PRORP: variants seen among roughly 807,000 people sequenced by gnomAD.
The protein encoded by PRORP is protein only RNase P catalytic subunit, also known as mitochondrial ribonuclease P catalytic subunit.
In PRORP, 51 loss-of-function variants were observed where a neutral mutation model predicts 59.4. The ratio of observed to expected loss-of-function variants is 0.86; its 90% confidence interval spans 0.69 to 1.08. The LOEUF (loss-of-function observed/expected upper bound fraction) is 1.08. PRORP is among the 50% of genes least tolerant of loss of function. PRORP has a pLI of 0.00. For synonymous variants in PRORP, 231 were observed against 245.6 expected, an observed-to-expected ratio of 0.94 and a Z score of 0.55; for missense variants, 646 against 690.3, an observed-to-expected ratio of 0.94 and a Z score of 0.72.
intron 4 of PRORP, among the ~76,000 whole-genome samples, chr14:35,179,235 T>C (rs549856938): frequency 1.3e-5 from 2 of 152,262 alleles, no homozygotes; most frequent in African/African-American, 2.4e-5. Context: ...TTGCTCTTCT[T>C]GAGGAGTATC....
At chr14:35,131,514 T>C (rs1337927649) in intron 4 of PRORP, among the ~76,000 whole-genome samples, 15 of 145,688 alleles carry the variant, frequency 1.0e-4, no homozygotes, top group Non-Finnish European at 1.5e-5. Flanking sequence ...ATTTGTTTTT[T>C]TCTCTAGTTG....
chr14:35,197,738 T>C (rs1177728595), intron 5 of PRORP, among the ~76,000 whole-genome samples: 1 of 152,196 alleles, frequency 6.6e-6, no homozygotes, highest in African/African-American at 2.4e-5. Context: ...TTCTACCCCA[T>C]TTTGTCTTAT....
intron 4 of PRORP, among the ~76,000 whole-genome samples, chr14:35,172,453 C>CTTCCTTCTTTCT: frequency 0.011 from 513 of 46,700 alleles, 15 homozygotes; most frequent in African/African-American, 0.023. Flanking sequence ...TCCTTCCTTC[C>CTTCCTTCTTTCT]TTCTTTCTTT....
At chr14:35,121,841 C>G (rs1458025610), upstream of PRORP, 14 of 1,574,806 alleles carry the variant, frequency 8.9e-6, no homozygotes, top group Admixed American at 2.1e-4. Context: ...CCCCACCTCC[C>G]CCCTACCTCT....
intron 5 of PRORP, among the ~76,000 whole-genome samples, chr14:35,220,478 C>T (rs1213896562): frequency 6.6e-6 from 1 of 152,144 alleles, no homozygotes; most frequent in Non-Finnish European, 1.5e-5. Flanking sequence ...CATTCTGACA[C>T]GGCATTATAG....
intron 5 of PRORP, among the ~76,000 whole-genome samples, chr14:35,256,869 CTT>C (rs71121272): frequency 8.0e-4 from 109 of 136,880 alleles, no homozygotes; most frequent in Middle Eastern, 3.7e-3. Context: ...TGATAAAATC[CTT>C]TTTTTTTTTT....
At position 35,239,977 on chromosome 14, in the gene PRORP, A is replaced by C. The variant is rs559540306; in HGVS notation, c.1276-26750A>C. ...GTAGTCCCAGCTACTCAGGAGGCTG[A>C]GACAGGAAAATCGCTTGAACCTGGA... On this transcript the variant is annotated intron_variant, in intron 5 of 7. Transcript: ENST00000534898. 5.9e-5 allele frequency among the ~76,000 whole-genome samples: 9 copies of C among 152,014 alleles called. No individual in the cohort carries two copies. In the South Asian group the frequency reaches 1.9e-3, roughly 32 times the overall value.
chr14:35,245,046 C>T (rs2050451312), intron 5 of PRORP, among the ~76,000 whole-genome samples: 2 of 152,162 alleles, frequency 1.3e-5, no homozygotes, highest in Non-Finnish European at 1.5e-5. Flanking sequence ...CAGAGCTAGT[C>T]TTACAAAACA....
chr14:35,228,979 T>C lies in PRORP; in HGVS notation c.1276-37748T>C, dbSNP rs147263683. Among the ~76,000 whole-genome samples, 127 of 152,332 alleles carry C rather than the reference T, an allele frequency of 8.3e-4. 1 individual carries two copies. The highest frequency in any genetic ancestry group is 2.9e-3 in the African/African-American group (121 of 41,586). On this transcript the variant is annotated intron_variant, in intron 5 of 7. Transcript: ENST00000534898. The stretch of plus-strand genomic sequence containing the variant: ...GCATCTGTTTTTTACTTTTTAACAA[T>C]ATCCATTCTGACTGGTATGAGATGG...
intron 6 of PRORP, among the ~76,000 whole-genome samples, chr14:35,269,890 A>G (rs2051141733): frequency 6.6e-6 from 1 of 152,184 alleles, no homozygotes; most frequent in Non-Finnish European, 1.5e-5. Context: ...GCTCTTACCA[A>G]AGAAGATGTT....
chr14:35,229,524 T>C (rs1319624593), intron 5 of PRORP, among the ~76,000 whole-genome samples: 1 of 152,216 alleles, frequency 6.6e-6, no homozygotes, highest in Non-Finnish European at 1.5e-5. Flanking sequence ...TGGCCAGCTA[T>C]CCCGGCACCA....
intron 5 of PRORP, among the ~76,000 whole-genome samples, chr14:35,219,762 C>T (rs2049723155): frequency 6.6e-6 from 1 of 152,198 alleles, no homozygotes; most frequent in Non-Finnish European, 1.5e-5. Flanking sequence ...ATACACCTCT[C>T]TATTGTCTAG....
At chr14:35,127,955 A>G (rs2047139363) in intron 4 of PRORP, among the ~76,000 whole-genome samples, 2 of 152,224 alleles carry the variant, frequency 1.3e-5, no homozygotes, top group South Asian at 2.1e-4. Flanking sequence ...GGGGCATAAT[A>G]AGTGCACTTA....
At chr14:35,139,538 G>A (rs1279055889) in intron 4 of PRORP, among the ~76,000 whole-genome samples, 1 of 144,956 alleles carries the variant, frequency 6.9e-6, no homozygotes, top group Non-Finnish European at 1.5e-5. Flanking sequence ...ATCATTTTGA[G>A]ATTTCATCCT....
intron 5 of PRORP, among the ~76,000 whole-genome samples, chr14:35,230,394 A>G (rs1425139785): frequency 6.6e-6 from 1 of 152,208 alleles, no homozygotes; most frequent in African/African-American, 2.4e-5. Flanking sequence ...GCAGTATCAC[A>G]TAGCTTTCAA....
intron 5 of PRORP, among the ~76,000 whole-genome samples, chr14:35,211,083 T>C (rs2049431435): frequency 6.6e-6 from 1 of 152,160 alleles, no homozygotes; most frequent in South Asian, 2.1e-4. Context: ...AAAACAGTTT[T>C]CTTTAGTAAA....
intron 5 of PRORP, among the ~76,000 whole-genome samples, chr14:35,214,046 G>C (rs2049522270): frequency 6.6e-6 from 1 of 152,154 alleles, no homozygotes. Context: ...ACACTTTAAA[G>C]ACTGTTAATG....
chr14:35,229,447 A>C (rs551716312), intron 5 of PRORP, among the ~76,000 whole-genome samples: 29 of 152,252 alleles, frequency 1.9e-4, no homozygotes, highest in African/African-American at 7.0e-4. Context: ...TAAATCTTTA[A>C]TCCATCTTGA....
intron 5 of PRORP, among the ~76,000 whole-genome samples, chr14:35,195,027 C>T (rs1297515820): frequency 5.3e-5 from 8 of 151,990 alleles, no homozygotes; most frequent in Admixed American, 5.2e-4. Context: ...TTATATGAAA[C>T]TTATATTTGA....
Sources: allele counts gnomAD v4.1 joint callset (sites outside exome capture counted in the v4.1 genomes callset), GRCh38; gene constraint gnomAD v4.1.1; transcripts MANE v1.5; gene names NCBI Gene and HGNC (gene_info 2026-07-23, HGNC 2026-07-21).